MYO3B: variants seen among roughly 807,000 people sequenced by gnomAD.
MYO3B encodes myosin IIIB.
MYO3B carries 156 observed loss-of-function variants against 174.6 expected under a neutral mutation model. The observed-to-expected ratio is 0.89, with a 90% confidence interval of 0.78 to 1.02. The LOEUF (loss-of-function observed/expected upper bound fraction) is 1.02. Among genes scored for constraint, MYO3B ranks in the 50% least tolerant of loss-of-function variants. MYO3B has a pLI of 0.00. For missense variants in MYO3B, 1,632 were observed against 1,639.4 expected (o/e 1.00, Z 0.08); for synonymous variants, 563 against 569.1 (o/e 0.99, Z 0.15).
chr2:170,635,767 A>G (rs936328378), intron 32 of MYO3B, among the ~76,000 whole-genome samples: 1 of 152,198 alleles, frequency 6.6e-6, no homozygotes, highest in Non-Finnish European at 1.5e-5. Context: ...TCTTTCTTAC[A>G]TATTTATAGA....
chr2:170,508,590 A>C (rs545345018), intron 28 of MYO3B, among the ~76,000 whole-genome samples: 1 of 152,340 alleles, frequency 6.6e-6, no homozygotes, highest in South Asian at 2.1e-4. Context: ...GTGTTCTGCA[A>C]GTTTAAACAC....
intron 32 of MYO3B, among the ~76,000 whole-genome samples, chr2:170,555,909 A>G (rs774813058): frequency 6.7e-6 from 1 of 149,946 alleles, no homozygotes; most frequent in Non-Finnish European, 1.5e-5. Context: ...AGATTCCTCC[A>G]TGTCGGCTGG....
At chr2:170,572,592 G>A (rs1266560215) in intron 32 of MYO3B, among the ~76,000 whole-genome samples, 12 of 143,812 alleles carry the variant, frequency 8.3e-5, no homozygotes, top group Admixed American at 2.1e-4. Context: ...TCCAGCCTGG[G>A]CAATGACCCT....
intron 7 of MYO3B, among the ~76,000 whole-genome samples, 178 bp from the exon 8 acceptor site, chr2:170,335,207 T>C (rs1311237173): frequency 6.6e-6 from 1 of 152,144 alleles, no homozygotes. Flanking sequence ...TCAATGAAAA[T>C]GAATGACTAC....
At chr2:170,488,335 T>C (rs539815035) in intron 25 of MYO3B, among the ~76,000 whole-genome samples, 1 of 152,256 alleles carries the variant, frequency 6.6e-6, no homozygotes, top group African/African-American at 2.4e-5. Flanking sequence ...AGGTAGGCCT[T>C]TTAGGATTGC....
intron 32 of MYO3B, among the ~76,000 whole-genome samples, chr2:170,575,457 G>C (rs72625227): frequency 0.047 from 7,105 of 152,196 alleles, 368 homozygotes; most frequent in East Asian, 0.25. Context: ...ATAGACAGTA[G>C]ATAAATAAAC....
chr2:170,317,515 G>T (rs2093784640), intron 7 of MYO3B, among the ~76,000 whole-genome samples: 1 of 152,166 alleles, frequency 6.6e-6, no homozygotes, highest in Admixed American at 6.6e-5. Context: ...GAAGATTTCA[G>T]ATCTGATAGT....
intron 3 of MYO3B, among the ~76,000 whole-genome samples, chr2:170,210,210 A>G (rs1469253104): frequency 2.0e-5 from 3 of 152,236 alleles, no homozygotes; most frequent in Non-Finnish European, 4.4e-5. Context: ...TTACAAAAAA[A>G]CTATATAATA....
chr2:170,287,388 CTGTTA>C (rs2093564099), intron 7 of MYO3B, among the ~76,000 whole-genome samples: 1 of 113,832 alleles, frequency 8.8e-6, no homozygotes, highest in South Asian at 2.8e-4. Flanking sequence ...TCACCTACAT[CTGTTA>C]TTGCCTTTTT....
At chr2:170,327,150 G>T (rs999220047) in intron 7 of MYO3B, among the ~76,000 whole-genome samples, 6 of 152,240 alleles carry the variant, frequency 3.9e-5, no homozygotes, top group African/African-American at 1.4e-4. Flanking sequence ...ACTTTGGGAG[G>T]CCAAGGCGGG....
rs992155394 is a variant in MYO3B at position 170,646,287 on chromosome 2, G to A, written c.3734-5341G>A. Among the ~76,000 whole-genome samples, 5 of 148,614 alleles carry A rather than the reference G, an allele frequency of 3.4e-5. No homozygotes were observed. In the South Asian group the frequency reaches 6.4e-4, roughly 19 times the overall value. Reference sequence around the variant, plus strand: ...ACTCTGTCTCAAAAAAAAAAAAAAAGTGTTATGTCTGTCTGTCTTCATACA... The same window carrying A: ...ACTCTGTCTCAAAAAAAAAAAAAAAATGTTATGTCTGTCTGTCTTCATACA... On this transcript the variant is annotated intron_variant, in intron 32 of 34. Coordinates refer to ENST00000408978, the MANE Select transcript of MYO3B (RefSeq NM_138995.5).
chr2:170,356,309 A>G (rs2094120491), intron 8 of MYO3B, among the ~76,000 whole-genome samples: 1 of 151,786 alleles, frequency 6.6e-6, no homozygotes. Flanking sequence ...CAGCCCTATT[A>G]AACCCATAGC....
intron 7 of MYO3B, among the ~76,000 whole-genome samples, chr2:170,324,023 C>T (rs181741935): frequency 6.6e-6 from 1 of 152,228 alleles, no homozygotes; most frequent in Non-Finnish European, 1.5e-5. Context: ...TGGCCATGAT[C>T]CTGGCAAAAG....
chr2:170,598,326 A>G (rs753127529), intron 32 of MYO3B, among the ~76,000 whole-genome samples: 13 of 152,186 alleles, frequency 8.5e-5, no homozygotes, highest in African/African-American at 1.4e-4. Flanking sequence ...TGAGACATCA[A>G]AGGGCCTCAC....
chr2:170,423,106 C>A (rs1451040431), intron 22 of MYO3B, among the ~76,000 whole-genome samples: 10 of 151,006 alleles, frequency 6.6e-5, no homozygotes. Context: ...CTCAGCCTCC[C>A]AAGTAGCTGA....
intron 21 of MYO3B, among the ~76,000 whole-genome samples, chr2:170,407,254 G>A (rs2094515812): frequency 6.6e-6 from 1 of 150,444 alleles, no homozygotes; most frequent in African/African-American, 2.4e-5. Flanking sequence ...GAGGTCAGGA[G>A]ATCAAGACCA....
intron 8 of MYO3B, among the ~76,000 whole-genome samples, chr2:170,364,005 C>T (rs2094180479): frequency 6.6e-6 from 1 of 152,144 alleles, no homozygotes; most frequent in Admixed American, 6.6e-5. Context: ...ATAAAGGACT[C>T]TGGAAAGAAC....
chr2:170,428,526 G>A (rs745718534), intron 22 of MYO3B, among the ~76,000 whole-genome samples: 5 of 152,114 alleles, frequency 3.3e-5, no homozygotes, highest in Non-Finnish European at 5.9e-5. Context: ...TTTCCTTGTT[G>A]TTCAGCGTGT....
intron 32 of MYO3B, among the ~76,000 whole-genome samples, chr2:170,588,080 A>C (rs1693595205): frequency 6.6e-6 from 1 of 152,036 alleles, no homozygotes; most frequent in Non-Finnish European, 1.5e-5. Flanking sequence ...GAAGGCTACA[A>C]ATTAAAACCC....
Sources: allele counts gnomAD v4.1 joint callset (sites outside exome capture counted in the v4.1 genomes callset), GRCh38; gene constraint gnomAD v4.1.1; transcripts MANE v1.5; gene names NCBI Gene and HGNC (gene_info 2026-07-23, HGNC 2026-07-21).